The following GSE1 variants were observed in gnomAD, a reference collection of about 807,000 sequenced individuals.
GSE1 encodes the protein genetic suppressor element 1.
A neutral mutation model predicts 112.6 loss-of-function variants in GSE1; 32 were observed. The ratio of observed to expected loss-of-function variants is 0.28; its 90% CI spans 0.21 to 0.38. GSE1 has a LOEUF of 0.38. GSE1 is among the 10% of genes least tolerant of loss of function. GSE1 has a pLI of 1.00. For synonymous variants in GSE1, 1,115 were observed against 735.6 expected (o/e 1.52, Z -8.35); for missense variants, 2,348 against 1,699.2 (o/e 1.38, Z -6.71).
intron 1 of GSE1, among the ~76,000 whole-genome samples, chr16:85,343,634 C>T (rs1007988559): frequency 5.3e-5 from 8 of 152,198 alleles, no homozygotes; most frequent in African/African-American, 1.9e-4. Context: ...CCTGTAGACC[C>T]AGCTACTGAG....
chr16:85,652,628 G>A (rs1054128911), intron 3 of GSE1, among the ~76,000 whole-genome samples: 2 of 152,182 alleles, frequency 1.3e-5, no homozygotes, highest in African/African-American at 2.4e-5. Flanking sequence ...GCGCCGGCCC[G>A]GGCTGCCTGC....
chr16:85,188,151 C>G (rs1355175097), intron 1 of GSE1, among the ~76,000 whole-genome samples: 1 of 152,170 alleles, frequency 6.6e-6, no homozygotes, highest in African/African-American at 2.4e-5. Context: ...ATCCAGGCTC[C>G]CTCAACACCC....
intron 2 of GSE1, among the ~76,000 whole-genome samples, chr16:85,394,442 G>A (rs2047920834): frequency 1.3e-5 from 2 of 152,184 alleles, no homozygotes; most frequent in South Asian, 4.1e-4. Flanking sequence ...GAAGAGGACG[G>A]TTGGGCTTTG....
chr16:85,614,992 C>T (rs542731166), intron 1 of GSE1, among the ~76,000 whole-genome samples: 3 of 152,204 alleles, frequency 2.0e-5, no homozygotes, highest in African/African-American at 4.8e-5. Flanking sequence ...GAAATGTGCC[C>T]CCTGGTCGGC....
intron 2 of GSE1, among the ~76,000 whole-genome samples, chr16:85,367,919 G>A (rs1420699167): frequency 2.8e-5 from 4 of 143,004 alleles, no homozygotes; most frequent in East Asian, 2.1e-4. Context: ...GCATGATCTC[G>A]GCTCACTGCA....
At chr16:85,567,705 G>C (rs1249884413) in intron 1 of GSE1, among the ~76,000 whole-genome samples, 1 of 152,208 alleles carries the variant, frequency 6.6e-6, no homozygotes, top group African/African-American at 2.4e-5. Context: ...ATTTTCAACT[G>C]GAGGGGAGTT....
intron 8 of GSE1, chr16:85,659,663 G>A (rs1159142480): frequency 6.6e-6 from 1 of 152,188 alleles, no homozygotes; most frequent in Admixed American, 6.5e-5. Context: ...GTAACACAGC[G>A]AGACCCATCT....
At chr16:85,515,822 C>T (rs951278556) in intron 2 of GSE1, among the ~76,000 whole-genome samples, 7 of 152,070 alleles carry the variant, frequency 4.6e-5, no homozygotes, top group Non-Finnish European at 7.4e-5. Context: ...CCCAGAAACA[C>T]GGGGGAAGAA....
At chr16:85,193,748 T>C (rs2074873410) in intron 1 of GSE1, among the ~76,000 whole-genome samples, 1 of 152,196 alleles carries the variant, frequency 6.6e-6, no homozygotes. Flanking sequence ...CATGAGCCAC[T>C]GCATCCAGCC....
intron 1 of GSE1, among the ~76,000 whole-genome samples, chr16:85,340,201 T>A (rs1362348899): frequency 6.6e-6 from 1 of 151,856 alleles, no homozygotes; most frequent in Non-Finnish European, 1.5e-5. Context: ...TAGAAAAAAA[T>A]TAGCCGGGTG....
At position 85,321,273 on chromosome 16, in the gene GSE1, G is replaced by A. The variant is rs558156801; in HGVS notation, c.2284-36190G>A. ...TGTGGAATCCCAAGGGGTCCTTGAAGTAATGATTTCTTCAGCACAGGGGTT... is the reference window on the plus strand; with the variant it reads ...TGTGGAATCCCAAGGGGTCCTTGAAATAATGATTTCTTCAGCACAGGGGTT... On this transcript the variant is annotated intron_variant, in intron 1 of 2. Coordinates refer to the GSE1 transcript ENST00000637419. Among the ~76,000 whole-genome samples the A allele has an allele frequency of 3.9e-5, 6 of 152,284 alleles. No individual in the cohort carries two copies. In the East Asian group the frequency reaches 1.2e-3, roughly 29 times the overall value.
At chr16:85,528,092 A>G (rs1239778130) in intron 2 of GSE1, among the ~76,000 whole-genome samples, 1 of 152,210 alleles carries the variant, frequency 6.6e-6, no homozygotes. Context: ...CCCTGCAAAC[A>G]GGGAGGAGGC....
chr16:85,180,319 G>C (rs4075909), intron 1 of GSE1, among the ~76,000 whole-genome samples: 97,445 of 152,144 alleles, frequency 0.64, 31,444 homozygotes, highest in Middle Eastern at 0.76. Context: ...AGAGTGGGCT[G>C]GGGAGAGGAG....
rs529266273 is a variant in GSE1 at position 85,248,568 on chromosome 16, A to G, written c.2283+76761A>G. On this transcript the variant is annotated intron_variant, in intron 1 of 2. Coordinates refer to the GSE1 transcript ENST00000637419. The stretch of plus-strand genomic sequence containing the variant: ...AGCAGCTGTTACCTAATAGGCTGTT[A>G]ATGATGATACAGTAAGTGGAAGGCA... Among the ~76,000 whole-genome samples the G allele has an allele frequency of 6.6e-5, 10 of 151,878 alleles. No individual in the cohort carries two copies. In the South Asian group the frequency reaches 1.9e-3, roughly 28 times the overall value.
At chr16:85,355,882 C>A (rs2046940813) in intron 1 of GSE1, among the ~76,000 whole-genome samples, 1 of 151,964 alleles carries the variant, frequency 6.6e-6, no homozygotes, top group Admixed American at 6.6e-5. Flanking sequence ...ACAAAATGAG[C>A]CGGGCATGGG....
intron 1 of GSE1, among the ~76,000 whole-genome samples, chr16:85,586,595 G>A (rs970542317): frequency 6.6e-6 from 1 of 152,202 alleles, no homozygotes; most frequent in African/African-American, 2.4e-5. Context: ...GCCAAGAGTC[G>A]CAGCTGCTCC....
At chr16:85,664,110 G>A (rs982556902) in intron 11 of GSE1, among the ~76,000 whole-genome samples, 3 of 152,250 alleles carry the variant, frequency 2.0e-5, no homozygotes, top group Middle Eastern at 6.3e-3. Flanking sequence ...GGCCACACAG[G>A]GCCACATTGG....
chr16:85,477,898 G>A (rs530532946), intron 2 of GSE1, among the ~76,000 whole-genome samples: 4 of 151,996 alleles, frequency 2.6e-5, no homozygotes, highest in African/African-American at 9.7e-5. Context: ...TTGAGATGAA[G>A]TTCTCATATC....
At chr16:85,390,817 C>A (rs951841683) in intron 2 of GSE1, among the ~76,000 whole-genome samples, 3 of 151,820 alleles carry the variant, frequency 2.0e-5, no homozygotes, top group Admixed American at 1.3e-4. Flanking sequence ...ACAGGCAGAG[C>A]TGTCTCCTTA....
Sources: gnomAD v4.1 joint callset for allele counts (sites outside exome capture counted in the v4.1 genomes callset) on GRCh38, gnomAD v4.1.1 for gene constraint, MANE v1.5 for transcripts, NCBI Gene and HGNC (gene_info 2026-07-23, HGNC 2026-07-21) for gene names.